The following CALN1 variants were observed in gnomAD, a reference collection of about 807,000 sequenced individuals.
CALN1 encodes calcium-binding protein 8.
CALN1 carries 17 observed loss-of-function variants against 30.6 expected under a neutral mutation model. The ratio of observed to expected loss-of-function variants is 0.56; its 90% confidence interval spans 0.38 to 0.83. The LOEUF (loss-of-function observed/expected upper bound fraction) is 0.83. CALN1 is among the 40% of genes least tolerant of loss of function. The probability of loss-of-function intolerance (pLI) is 0.00; values close to 1 mark genes in which losing one functional copy is unlikely to be tolerated. For synonymous variants in CALN1, 156 were observed against 131.4 expected (o/e 1.19, Z -1.28); for missense variants, 291 against 354.9 (o/e 0.82, Z 1.45).
chr7:72,466,886 GA>G, the CALN1 span, among the ~76,000 whole-genome samples: 1 of 151,590 alleles, frequency 6.6e-6, no homozygotes, highest in African/African-American at 2.4e-5. Context: ...AGGAAAGAAA[GA>G]AAAGAAAAAG....
intron 5 of CALN1, among the ~76,000 whole-genome samples, chr7:71,958,219 C>T (rs1308326941): frequency 6.6e-6 from 1 of 152,058 alleles, no homozygotes; most frequent in Non-Finnish European, 1.5e-5. Context: ...TTGTACCCAA[C>T]AGGTAATTTT....
At chr7:72,267,556 A>G (rs1431682115) in intron 3 of CALN1, among the ~76,000 whole-genome samples, 1 of 152,214 alleles carries the variant, frequency 6.6e-6, no homozygotes, top group Non-Finnish European at 1.5e-5. Flanking sequence ...ACAGGATCTC[A>G]TCTCACAGGG....
intron 4 of CALN1, among the ~76,000 whole-genome samples, chr7:72,080,509 C>G (rs1296695759): frequency 1.3e-5 from 2 of 152,096 alleles, no homozygotes; most frequent in Admixed American, 1.3e-4. Context: ...AGAGGGTGTT[C>G]AACTAATGTC....
chr7:71,950,064 T>C (rs1346378721), intron 5 of CALN1, among the ~76,000 whole-genome samples: 1 of 152,126 alleles, frequency 6.6e-6, no homozygotes, highest in Admixed American at 6.6e-5. Context: ...GCCTGGCCAC[T>C]TTGATTTTTA....
chr7:72,377,342 A>G (rs540945117), intron 2 of CALN1, among the ~76,000 whole-genome samples: 4 of 151,782 alleles, frequency 2.6e-5, no homozygotes, highest in Admixed American at 2.6e-4. Flanking sequence ...TAGCTGATTA[A>G]AGTCTTTGTC....
chr7:71,848,488 G>A (rs911545277), intron 5 of CALN1, among the ~76,000 whole-genome samples: 4 of 152,008 alleles, frequency 2.6e-5, no homozygotes, highest in Admixed American at 6.6e-5. Context: ...ATAAAACCCC[G>A]TAGAATATTG....
At chr7:72,368,952 T>C (rs1024557123) in intron 2 of CALN1, among the ~76,000 whole-genome samples, 1 of 151,636 alleles carries the variant, frequency 6.6e-6, no homozygotes, top group Non-Finnish European at 1.5e-5. Flanking sequence ...GTAGCTGGGA[T>C]TACAGGCACC....
the CALN1 span, among the ~76,000 whole-genome samples, chr7:72,465,551 A>G: frequency 6.6e-6 from 1 of 152,150 alleles, no homozygotes; most frequent in Non-Finnish European, 1.5e-5. Flanking sequence ...AGGAGAAATG[A>G]GCAGTGGAAA....
chr7:71,999,519 A>AT lies in CALN1; in HGVS notation c.501+24137dup, dbSNP rs34318737. Among the ~76,000 whole-genome samples, 476 of 145,810 alleles carry AT rather than the reference A, an allele frequency of 3.3e-3. 2 individuals carry two copies. Among genetic ancestry groups the AT allele is most frequent in the Middle Eastern group, 0.01 (3 of 286 alleles). ...CACTCCATCCAACAGCAGCATATGC[A>AT]TTTTTTTTTTTTGAGTTGGAATCTC... On this transcript the variant is annotated intron_variant, in intron 5 of 6. Transcript: ENST00000395275.
the CALN1 span, among the ~76,000 whole-genome samples, chr7:72,491,935 T>G: frequency 6.6e-6 from 1 of 152,194 alleles, no homozygotes; most frequent in Non-Finnish European, 1.5e-5. Flanking sequence ...AAATATTACA[T>G]AACAGATAGA....
rs1807216719 is a variant in CALN1 at position 72,412,177 on chromosome 7, T to A, written c.-193A>T. 6.6e-6 allele frequency: 1 copy of A among 152,326 alleles called. No homozygotes were observed. Among genetic ancestry groups the A allele is most frequent in the Non-Finnish European group, 1.5e-5 (1 of 68,122 alleles). 9.4% of individuals were successfully genotyped at this position (152,326 alleles called of 1,614,324 possible). A position where few individuals can be genotyped will look rare whatever the true frequency, so the allele number is the denominator to read the frequency against. On this transcript the variant is annotated 5_prime_UTR_variant, in exon 1 of 7. Coordinates refer to ENST00000395275, the MANE Select transcript of CALN1 (RefSeq NM_031468.4). ...AGATGGCGCGTCCGGAGTCGTCTGC[T>A]CCTCCCGGTGGGCTTGCGGTCTTGC...
chr7:72,342,015 G>A (rs755125915), intron 2 of CALN1, among the ~76,000 whole-genome samples: 1 of 152,086 alleles, frequency 6.6e-6, no homozygotes, highest in South Asian at 2.1e-4. Context: ...ACTTTGGAAG[G>A]TCTAGGTGGG....
chr7:72,352,938 T>A (rs1022314730), intron 2 of CALN1, among the ~76,000 whole-genome samples: 3 of 151,896 alleles, frequency 2.0e-5, no homozygotes, highest in Non-Finnish European at 2.9e-5. Flanking sequence ...TAAAAAAGAA[T>A]AACAAGGGAA....
rs1244769880 is a variant in CALN1, at chr7:72,014,479, T to C, written c.501+9178A>G. ...AGATAACTGTTAACCAATCCCTATT[T>C]TAATTAACATTTCTAAGATTTCCGG... On this transcript the variant is annotated intron_variant, in intron 5 of 6. Coordinates refer to ENST00000395275, the MANE Select transcript of CALN1 (RefSeq NM_031468.4). Among the ~76,000 whole-genome samples, 3 of 152,204 alleles carry C rather than the reference T, an allele frequency of 2.0e-5. No homozygotes were observed. In the East Asian group the frequency reaches 5.8e-4, roughly 29 times the overall value.
chr7:72,200,471 A>G (rs1460094331), intron 3 of CALN1, among the ~76,000 whole-genome samples: 1 of 152,176 alleles, frequency 6.6e-6, no homozygotes, highest in Non-Finnish European at 1.5e-5. Context: ...AGTGTCTCGT[A>G]TTATTTCATT....
intron 3 of CALN1, among the ~76,000 whole-genome samples, chr7:72,127,509 G>C (rs1808850048): frequency 6.6e-6 from 1 of 152,208 alleles, no homozygotes; most frequent in Admixed American, 6.5e-5. Flanking sequence ...CCTGAGAGCA[G>C]AGAGAGGCTG....
chr7:71,852,588 A>G (rs1584373200), intron 5 of CALN1, among the ~76,000 whole-genome samples: 1 of 152,238 alleles, frequency 6.6e-6, no homozygotes, highest in African/African-American at 2.4e-5. Flanking sequence ...TGACAGAACA[A>G]GAGACTCTGC....
At chr7:71,832,948 G>T (rs1277718913) in intron 5 of CALN1, among the ~76,000 whole-genome samples, 7 of 152,104 alleles carry the variant, frequency 4.6e-5, no homozygotes, top group Admixed American at 4.6e-4. Flanking sequence ...TTGTCATTGT[G>T]TCCTGCCCGC....
At chr7:72,290,578 T>A (rs566632860) in intron 2 of CALN1, among the ~76,000 whole-genome samples, 1 of 152,320 alleles carries the variant, frequency 6.6e-6, no homozygotes, top group African/African-American at 2.4e-5. Context: ...TCCCTTATAC[T>A]AAATCCCCTC....
Sources: gnomAD v4.1 joint callset for allele counts (sites outside exome capture counted in the v4.1 genomes callset) on GRCh38, gnomAD v4.1.1 for gene constraint, MANE v1.5 for transcripts, NCBI Gene and HGNC (gene_info 2026-07-23, HGNC 2026-07-21) for gene names.